The following HDAC1 variants were observed in gnomAD, a reference collection of about 807,000 sequenced individuals.
The protein encoded by HDAC1 is histone deacetylase 1.
A neutral mutation model predicts 65.5 loss-of-function variants in HDAC1; 18 were observed. That is an observed-to-expected ratio of 0.27 (90% confidence interval 0.19 to 0.41). The LOEUF is 0.41. HDAC1 is among the 10% of genes least tolerant of loss of function. The pLI is 1.00. For missense variants in HDAC1, 373 were observed against 625.2 expected (o/e 0.60, Z 4.30); for synonymous variants, 211 against 227.9 (o/e 0.93, Z 0.67).
chr1:32,306,234 A>C (rs1188607636), intron 2 of HDAC1, among the ~76,000 whole-genome samples: 1 of 137,996 alleles, frequency 7.2e-6, no homozygotes, highest in African/African-American at 2.7e-5. Context: ...CTTGTTGCCC[A>C]GGCTGGAGTG....
rs888822583 is a variant in HDAC1, at chr1:32,292,087, TC to T, written c.-77del. 6.0e-6 allele frequency: 8 copies of T among 1,334,546 alleles called. No homozygotes were observed. Among genetic ancestry groups the T allele is most frequent in the African/African-American group, 1.5e-5 (1 of 67,452 alleles). The allele number at this position is 1,334,546 out of a possible 1,614,324, so 82.7% of individuals were successfully genotyped here. A position where few individuals can be genotyped will look rare whatever the true frequency, so the allele number is the denominator to read the frequency against. On this transcript the variant is annotated 5_prime_UTR_variant, in exon 1 of 14. Transcript: ENST00000373548. ...CGGGGCGGGCCGGAGGCCCGCCCCC[TC>T]CCCCCTGGGTCGGACGCTGAGCGGA...
chr1:32,297,109 G>C (rs1009576820), intron 1 of HDAC1, among the ~76,000 whole-genome samples: 9 of 152,156 alleles, frequency 5.9e-5, no homozygotes, highest in Admixed American at 4.6e-4. Context: ...TGCAAAAGTG[G>C]GGGGCTAGGG....
chr1:32,318,496 G>A (rs1641094525), intron 3 of HDAC1, among the ~76,000 whole-genome samples: 1 of 151,926 alleles, frequency 6.6e-6, no homozygotes, highest in East Asian at 1.9e-4. Context: ...CTGGAAGGTC[G>A]AGGCTGCAGT....
chr1:32,297,486 C>T (rs1640783984), intron 1 of HDAC1, among the ~76,000 whole-genome samples: 1 of 152,098 alleles, frequency 6.6e-6, no homozygotes, highest in Non-Finnish European at 1.5e-5. Flanking sequence ...GGTTTGAGCC[C>T]AGGTGGAGCC....
At chr1:32,308,845 C>G (rs1422643701) in intron 2 of HDAC1, among the ~76,000 whole-genome samples, 1 of 149,268 alleles carries the variant, frequency 6.7e-6, no homozygotes, top group Non-Finnish European at 1.5e-5. Flanking sequence ...TAGGGTGTTG[C>G]TCTGTCATCC....
In HDAC1 at chr1:32,302,628, T is replaced by G; in HGVS notation, c.57T>G (p.Val19=). Residue 19 remains valine (V), a synonymous_variant, in exon 2 of 14, where the codon GTT becomes GTG. Coordinates refer to ENST00000373548, the MANE Select transcript of HDAC1 (RefSeq NM_004964.3). ...TCACTCTCTCTTCTTCAGGGGATGT[T>G]GGAAATTACTATTATGGACAAGGCC... ...RKVCYYYDGD[V]GNYYYGQGHP... is the part of the protein sequence containing the mutation. 6.5e-7 allele frequency: 1 copy of G among 1,544,790 alleles called. No homozygotes were observed. The highest frequency in any genetic ancestry group is 9.0e-7 in the Non-Finnish European group (1 of 1,116,702).
chr1:32,332,613 T>C, intron 12 of HDAC1, 88 bp from the exon 13 acceptor site: 1 of 935,950 alleles, frequency 1.1e-6, no homozygotes, highest in South Asian at 1.4e-5. Context: ...AGCTGTAGTG[T>C]TGGGGAAGGG....
At chr1:32,297,573 A>G (rs1640785023) in intron 1 of HDAC1, among the ~76,000 whole-genome samples, 1 of 152,140 alleles carries the variant, frequency 6.6e-6, no homozygotes, top group Admixed American at 6.6e-5. Context: ...AAGAAAAAGA[A>G]AAAGTACAAA....
At chr1:32,317,384 C>A (rs1409555334) in intron 3 of HDAC1, among the ~76,000 whole-genome samples, 2 of 152,116 alleles carry the variant, frequency 1.3e-5, no homozygotes. Context: ...AAAAAGTATT[C>A]AAATTTGGGA....
chr1:32,294,284 G>A (rs1282208673), intron 1 of HDAC1, among the ~76,000 whole-genome samples: 4 of 151,526 alleles, frequency 2.6e-5, no homozygotes, highest in African/African-American at 7.3e-5. Context: ...GAGTAGCTGG[G>A]ATTACAGGCG....
intron 3 of HDAC1, 27 bp from the exon 4 acceptor site, chr1:32,324,452 A>G: frequency 1.3e-6 from 2 of 1,530,968 alleles, no homozygotes. Context: ...AATTGTGGAA[A>G]CTAACCTTTT....
At chr1:32,295,308 G>A (rs1360954985) in intron 1 of HDAC1, among the ~76,000 whole-genome samples, 1 of 152,060 alleles carries the variant, frequency 6.6e-6, no homozygotes, top group Non-Finnish European at 1.5e-5. Flanking sequence ...GGCTGAAGTG[G>A]GAGGATCACT....
In HDAC1 at chr1:32,329,694, T is replaced by C. The variant is rs1239589718; in HGVS notation, c.729+534T>C. 1.3e-5 allele frequency: 2 copies of C among 159,632 alleles called. No homozygotes were observed. The highest frequency in any genetic ancestry group is 2.8e-5 in the Non-Finnish European group (2 of 72,080). 9.9% of individuals were successfully genotyped at this position (159,632 alleles called of 1,614,324 possible). ...GGCATGTTCCATGGGTAGGCTGGCC[T>C]AGTGCCTGTGTTTTTGAGGGATGAT... is the stretch of plus-strand genomic sequence containing the variant. On this transcript the variant is annotated intron_variant, in intron 7 of 13. Coordinates refer to ENST00000373548, the MANE Select transcript of HDAC1 (RefSeq NM_004964.3). The surrounding 1 kb of genome is among the most constrained non-coding windows in gnomAD (Gnocchi z 4.1).
At position 32,327,109 on chromosome 1, in the gene HDAC1, G is replaced by A. The variant is rs2148070378; in HGVS notation, c.494+32G>A. ...CTGCCTGGCCTTGTCTCTTGGAAGA[G>A]CACCTTAGGCCAGGTTCCCATTTCC... On this transcript the variant is annotated intron_variant, in intron 5 of 13. Transcript: ENST00000373548. The surrounding 1 kb of genome is among the most constrained non-coding windows in gnomAD (Gnocchi z 6.0). 2 of 1,611,236 alleles carry A rather than the reference G, an allele frequency of 1.2e-6. No homozygotes were observed. The highest frequency in any genetic ancestry group is 1.7e-6 in the Non-Finnish European group (2 of 1,178,636).
chr1:32,324,003 A>T (rs1557609938), intron 3 of HDAC1, among the ~76,000 whole-genome samples: 1 of 152,052 alleles, frequency 6.6e-6, no homozygotes, highest in Non-Finnish European at 1.5e-5. Context: ...CTTGTTATAG[A>T]TAATGGGCTA....
chr1:32,292,248 G>A (rs1432899034), intron 1 of HDAC1, 30 bp downstream of exon 1: 1 of 1,547,136 alleles, frequency 6.5e-7, no homozygotes, highest in African/African-American at 1.4e-5. Context: ...CGGGGGCGGG[G>A]CCAGGCCGGG....
At chr1:32,311,476 A>C (rs1219549850) in intron 2 of HDAC1, among the ~76,000 whole-genome samples, 1 of 152,028 alleles carries the variant, frequency 6.6e-6, no homozygotes, top group Non-Finnish European at 1.5e-5. Flanking sequence ...CGAAAAAAAA[A>C]CAAAGATGAT....
intron 2 of HDAC1, among the ~76,000 whole-genome samples, chr1:32,305,237 A>C (rs1640896126): frequency 6.6e-6 from 1 of 152,104 alleles, no homozygotes; most frequent in Admixed American, 6.6e-5. Flanking sequence ...CTAGTCTGTT[A>C]TCTCTTTGAT....
At position 32,326,911 on chromosome 1, in the gene HDAC1, G is replaced by C. The variant is rs904605856; in HGVS notation, c.356-28G>C. 3 of 1,612,588 alleles carry C rather than the reference G, an allele frequency of 1.9e-6. No homozygotes were observed. The African/African-American group carries it at 4.0e-5, about 22-fold the overall frequency. ...GGAAGGGGAGAGTGGCTTAGTAACA[G>C]GCTTATGTTCTCTTTTCTCATGCCC... On this transcript the variant is annotated intron_variant, in intron 4 of 13. Transcript: ENST00000373548.
Sources: gnomAD v4.1 joint callset for allele counts (sites outside exome capture counted in the v4.1 genomes callset) on GRCh38, gnomAD v4.1.1 for gene constraint, Gnocchi (gnomAD v3.1) non-coding constraint, MANE v1.5 for transcripts, NCBI Gene and HGNC (gene_info 2026-07-23, HGNC 2026-07-21) for gene names.